LRRC42: variants seen among roughly 807,000 people sequenced by gnomAD.
LRRC42 encodes leucine rich repeat containing 42, also known as leucine-rich repeat-containing protein 42.
A neutral mutation model predicts 44.3 loss-of-function variants in LRRC42; 43 were observed. The ratio of observed to expected loss-of-function variants is 0.97; its 90% CI spans 0.76 to 1.25. LRRC42 has a LOEUF of 1.25. LRRC42 is among the 50% of genes most tolerant of loss of function. The pLI, the probability that LRRC42 is intolerant of heterozygous loss-of-function variation, is 0.00. For synonymous variants in LRRC42, 207 were observed against 195.2 expected, an observed-to-expected ratio of 1.06 and a Z score of -0.50; for missense variants, 540 against 509.1, an observed-to-expected ratio of 1.06 and a Z score of -0.58.
chr1:53,954,906 C>T (rs1392898067), intron 3 of LRRC42, among the ~76,000 whole-genome samples: 1 of 152,188 alleles, frequency 6.6e-6, no homozygotes, highest in Non-Finnish European at 1.5e-5. Context: ...TACTAAGAAT[C>T]TATTCTGATC....
In LRRC42 at chr1:53,968,000, T is replaced by C. The variant is rs763643321; in HGVS notation, c.*61T>C. 67 of 1,526,026 alleles carry C rather than the reference T, an allele frequency of 4.4e-5. No homozygotes were observed. Among genetic ancestry groups the C allele is most frequent in the Middle Eastern group, 3.5e-4 (2 of 5,704 alleles). The allele number at this position is 1,526,026 out of a possible 1,614,324, so 94.5% of individuals were successfully genotyped here. On this transcript the variant is annotated 3_prime_UTR_variant, in exon 9 of 9. Transcript: ENST00000371370. ...GCTCTAGTGTTTGAGTAAAGGAGAC[T>C]GAGGATGATTTACTTTTTGTTTGAA...
intron 3 of LRRC42, 34 bp from the exon 4 acceptor site, chr1:53,958,115 G>C: frequency 6.2e-7 from 1 of 1,611,606 alleles, no homozygotes; most frequent in South Asian, 1.1e-5. Context: ...AGAGTAGTGA[G>C]GGGAAGCTAT....
intron 7 of LRRC42, among the ~76,000 whole-genome samples, chr1:53,963,325 A>T (rs1431905248): frequency 1.3e-5 from 2 of 152,246 alleles, no homozygotes; most frequent in African/African-American, 2.4e-5. Flanking sequence ...GTGCTGTATG[A>T]GACCTAGATG....
chr1:53,965,401 T>G (rs1231586573), intron 7 of LRRC42, among the ~76,000 whole-genome samples: 2 of 152,122 alleles, frequency 1.3e-5, no homozygotes, highest in African/African-American at 4.8e-5. Context: ...AATTTAAAGT[T>G]CTTGTTATTC....
Position 53,966,369 on chromosome 1 carries a change from C to T in LRRC42, c.1001C>T (p.Ala334Val), listed in dbSNP as rs755894479. 2 of 1,613,096 alleles carry T rather than the reference C, an allele frequency of 1.2e-6. No homozygotes were observed. The highest frequency in any genetic ancestry group is 1.7e-4 in the Middle Eastern group (1 of 6,058). The change falls in exon 8 of 9, where the codon GCT (alanine) becomes GTT (valine). Residue 334 changes from alanine to valine, a missense_variant. Physicochemically the swap from Ala to Val is moderately conservative, Grantham distance 64. Coordinates refer to ENST00000371370, the MANE Select transcript of LRRC42 (RefSeq NM_001256409.2). The stretch of plus-strand genomic sequence containing the variant: ...GAGACCTCGGAGCCTAGAGCAGCAG[C>T]TCAGCGCTTCTGTGAGAAATTCCCT... ...PRETSEPRAA[A>V]QRFYGKRSRA...
At chr1:53,950,542 T>TTG (rs1654647905) in intron 2 of LRRC42, among the ~76,000 whole-genome samples, 1 of 152,242 alleles carries the variant, frequency 6.6e-6, no homozygotes, top group African/African-American at 2.4e-5. Flanking sequence ...CAGGGCCACA[T>TTG]TGTGGCCCCA....
intron 4 of LRRC42, among the ~76,000 whole-genome samples, chr1:53,959,345 G>T (rs1451701611): frequency 6.6e-6 from 1 of 152,180 alleles, no homozygotes; most frequent in African/African-American, 2.4e-5. Context: ...CAAATAGTCT[G>T]ACTGATCTCA....
chr1:53,959,641 T>G (rs537597866), intron 4 of LRRC42, among the ~76,000 whole-genome samples: 4 of 152,348 alleles, frequency 2.6e-5, no homozygotes, highest in Non-Finnish European at 5.9e-5. Context: ...ACTGAAAATC[T>G]AGATTGATAA....
chr1:53,953,629 G>T (rs1347104317), intron 3 of LRRC42, among the ~76,000 whole-genome samples: 2 of 152,104 alleles, frequency 1.3e-5, no homozygotes, highest in Non-Finnish European at 2.9e-5. Context: ...AAAGTGCTGG[G>T]ATTACAGGCG....
Position 53,966,392 on chromosome 1 carries a change from C to A in LRRC42, c.1012+12C>A. Reference sequence around the variant, plus strand: ...AGCTCAGCGCTTCTGTGAGAAATTCCCTTTCCTTTGAAGTTTTTTGCCCTT... The same window carrying A: ...AGCTCAGCGCTTCTGTGAGAAATTCACTTTCCTTTGAAGTTTTTTGCCCTT... On this transcript the variant is annotated intron_variant, in intron 8 of 8. Transcript: ENST00000371370. 6.2e-7 allele frequency: 1 copy of A among 1,607,486 alleles called. No homozygotes were observed. The highest frequency in any genetic ancestry group is 8.5e-7 in the Non-Finnish European group (1 of 1,174,236).
chr1:53,960,450 A>AATCTAAC lies in LRRC42; in HGVS notation c.703_709dup (p.Leu237SerfsTer9). 6.2e-7 allele frequency: 1 copy of AATCTAAC among 1,611,764 alleles called. No individual in the cohort carries two copies. Among genetic ancestry groups the AATCTAAC allele is most frequent in the Non-Finnish European group, 8.5e-7 (1 of 1,178,240 alleles). On this transcript the variant is annotated frameshift_variant, in exon 5 of 9. Coordinates refer to ENST00000371370, the MANE Select transcript of LRRC42 (RefSeq NM_001256409.2). LOFTEE classifies it high-confidence loss of function. ...TCGAGTGATGAAAAGAGGCCTTGAGAATCTAACATTATTAGACTTATCATG... is the reference window on the plus strand; with the variant it reads ...TCGAGTGATGAAAAGAGGCCTTGAGAATCTAACATCTAACATTATTAGACTTATCATG...
At chr1:53,956,860 A>C (rs578219660) in intron 3 of LRRC42, among the ~76,000 whole-genome samples, 1 of 152,224 alleles carries the variant, frequency 6.6e-6, no homozygotes. Flanking sequence ...TCTGATTGCC[A>C]GTAATCCTCT....
chr1:53,959,499 A>G (rs1470086400), intron 4 of LRRC42, among the ~76,000 whole-genome samples: 1 of 152,210 alleles, frequency 6.6e-6, no homozygotes, highest in African/African-American at 2.4e-5. Flanking sequence ...ACTGCCCCAT[A>G]AAAAGATGCT....
chr1:53,960,626 A>G lies in LRRC42; in HGVS notation c.724+152A>G, dbSNP rs112328813. On this transcript the variant is annotated intron_variant, in intron 5 of 8. Transcript: ENST00000371370. ...TGGTGGCAGAACAGGATTGAGGCCA[A>G]AGACTCTTGACTCCTGGCCAACTGA... 3.1e-3 allele frequency: 1,907 copies of G among 620,696 alleles called. 32 individuals carry two copies. The African/African-American group carries it at 0.031, about 10-fold the overall frequency. 38.4% of individuals were successfully genotyped at this position (620,696 alleles called of 1,614,324 possible). A position where few individuals can be genotyped will look rare whatever the true frequency, so the allele number is the denominator to read the frequency against.
chr1:53,961,290 A>C (rs561360700), intron 5 of LRRC42, among the ~76,000 whole-genome samples: 87 of 152,222 alleles, frequency 5.7e-4, no homozygotes, highest in African/African-American at 2.1e-3. Flanking sequence ...CGGCACCTGT[A>C]GTCCCAGCTA....
At chr1:53,955,730 G>A (rs947491511) in intron 3 of LRRC42, among the ~76,000 whole-genome samples, 1 of 149,006 alleles carries the variant, frequency 6.7e-6, no homozygotes, top group Non-Finnish European at 1.5e-5. Flanking sequence ...CCGGGTTCAC[G>A]CAATTCTCCT....
chr1:53,951,954 T>C, intron 2 of LRRC42, 32 bp from the exon 3 acceptor site: 2 of 1,504,200 alleles, frequency 1.3e-6, no homozygotes, highest in Non-Finnish European at 1.8e-6. Context: ...GCATTTTAAT[T>C]GGATTTGCTT....
chr1:53,954,403 G>A (rs1003458132), intron 3 of LRRC42, among the ~76,000 whole-genome samples: 1 of 152,164 alleles, frequency 6.6e-6, no homozygotes, highest in Admixed American at 6.5e-5. Flanking sequence ...TTTCATTGTG[G>A]CTTATGCATT....
chr1:53,958,786 G>T (rs1009405968), intron 4 of LRRC42, among the ~76,000 whole-genome samples: 1 of 151,972 alleles, frequency 6.6e-6, no homozygotes, highest in African/African-American at 2.4e-5. Context: ...GGGTTTCTCC[G>T]TGTTGGTCAG....
Sources: gnomAD v4.1 joint callset for allele counts (sites outside exome capture counted in the v4.1 genomes callset) on GRCh38, gnomAD v4.1.1 for gene constraint, MANE v1.5 for transcripts, NCBI Gene and HGNC (gene_info 2026-07-23, HGNC 2026-07-21) for gene names.